The following SLC22A25 variants were observed in gnomAD, a reference collection of about 807,000 sequenced individuals.
SLC22A25 encodes the protein MGI:2442751, MGI:2385316, MGI:3042283, MGI:3645714, MGI:3605624, MGI:2442750.
In SLC22A25, 44 loss-of-function variants were observed where a neutral mutation model predicts 45.9. The observed-to-expected ratio is 0.96, with a 90% CI of 0.75 to 1.23. The LOEUF (loss-of-function observed/expected upper bound fraction) is 1.23. Among genes scored for constraint, SLC22A25 ranks in the 50% most tolerant of loss-of-function variants. The pLI is 0.00. For synonymous variants in SLC22A25, 283 were observed against 238.6 expected (o/e 1.19, Z -1.72); for missense variants, 800 against 666.4 (o/e 1.20, Z -2.21).
chr11:63,220,501 G>A (rs1411722678), intron 5 of SLC22A25, among the ~76,000 whole-genome samples: 1 of 152,102 alleles, frequency 6.6e-6, no homozygotes, highest in Non-Finnish European at 1.5e-5. Flanking sequence ...GTACATAGTA[G>A]GTGTGTATAC....
intron 9 of SLC22A25, among the ~76,000 whole-genome samples, chr11:63,180,237 T>A (rs1460821688): frequency 6.6e-6 from 1 of 152,198 alleles, no homozygotes; most frequent in Admixed American, 6.6e-5. Context: ...GAACTTGTGA[T>A]CATTTCCCAG....
chr11:63,217,382 G>T lies in SLC22A25; in HGVS notation c.762C>A (p.Val254=), dbSNP rs1461583493. 6.2e-7 allele frequency: 1 copy of T among 1,614,018 alleles called. No homozygotes were observed. Residue 254 remains valine, a synonymous_variant, in exon 7 of 12, where the codon GTC becomes GTA. Transcript: ENST00000306494. ...GHITLGSLAF[V]IRDQCILQLV... is the part of the protein sequence containing the mutation. ...ACTGGAGGATGCACTGGTCTCGAAT[G>T]ACAAAAGCCAGGCTTCCCAGGGTTA...
At chr11:63,189,793 T>C (rs1565085180) in intron 7 of SLC22A25, among the ~76,000 whole-genome samples, 1 of 152,216 alleles carries the variant, frequency 6.6e-6, no homozygotes, top group Non-Finnish European at 1.5e-5. Context: ...TTATTTCTCC[T>C]TCACTTATGA....
rs1464149671 is a variant in SLC22A25, at chr11:63,166,268, A to G, written c.1071-10T>C. On this transcript the variant is annotated splice_polypyrimidine_tract_variant and intron_variant, in intron 9 of 11. Transcript: ENST00000306494. ...GATGGTACTTGCAAATCTGCAGGGA[A>G]CACAGAAAAAGGCACATATTATAAT... 2 of 1,613,448 alleles carry G rather than the reference A, an allele frequency of 1.2e-6. No homozygotes were observed. Among genetic ancestry groups the G allele is most frequent in the African/African-American group, 1.3e-5 (1 of 74,930 alleles).
chr11:63,186,113 T>G (rs1311021083), intron 7 of SLC22A25, among the ~76,000 whole-genome samples: 155 of 147,052 alleles, frequency 1.1e-3, no homozygotes, highest in African/African-American at 3.7e-3. Context: ...CCTGAGGAAT[T>G]GCCACACTGA....
chr11:63,164,352 C>T (rs17157906), intron 11 of SLC22A25, among the ~76,000 whole-genome samples, 174 bp downstream of exon 11: 2,677 of 152,282 alleles, frequency 0.018, 67 homozygotes, highest in African/African-American at 0.049. Flanking sequence ...CTTAATGCAG[C>T]GTCTGGAACA....
chr11:63,217,222 A>G, intron 7 of SLC22A25, 92 bp downstream of exon 7: 1 of 1,423,610 alleles, frequency 7.0e-7, no homozygotes, highest in Non-Finnish European at 9.5e-7. Context: ...ACTCAAGGCT[A>G]GATAGAGGAT....
rs114227568 is a variant in SLC22A25, at chr11:63,210,323, T to C, written c.830+6991A>G. On this transcript the variant is annotated intron_variant, in intron 7 of 11. Coordinates refer to ENST00000306494, the MANE Select transcript of SLC22A25 (RefSeq NM_199352.6). ...CAGAAATAGAAACAAAGAGACAGCTTGATTTATAGCTGCTGCACTAGCAGA... is the reference window on the plus strand; with the variant it reads ...CAGAAATAGAAACAAAGAGACAGCTCGATTTATAGCTGCTGCACTAGCAGA... Among the ~76,000 whole-genome samples, 680 of 152,178 alleles carry C rather than the reference T, an allele frequency of 4.5e-3. 8 individuals are homozygous for C. The highest frequency in any genetic ancestry group is 0.016 in the African/African-American group (645 of 41,520).
chr11:63,181,445 T>C (rs2088318633), intron 8 of SLC22A25, among the ~76,000 whole-genome samples: 1 of 139,448 alleles, frequency 7.2e-6, no homozygotes, highest in Non-Finnish European at 1.5e-5. Flanking sequence ...CCTGTGTCCA[T>C]GTGTTCTCAT....
chr11:63,183,100 A>T (rs1314880450), intron 8 of SLC22A25, among the ~76,000 whole-genome samples: 1 of 152,092 alleles, frequency 6.6e-6, no homozygotes, highest in Non-Finnish European at 1.5e-5. Flanking sequence ...GGAAAAAAAG[A>T]TAAAGACTTC....
intron 9 of SLC22A25, among the ~76,000 whole-genome samples, chr11:63,172,627 T>A (rs1301754157): frequency 6.7e-6 from 1 of 149,006 alleles, no homozygotes. Context: ...TAGGTGTGGG[T>A]GTTTTCAGTG....
chr11:63,166,416 T>C (rs1003283207), intron 9 of SLC22A25, 158 bp from the exon 10 acceptor site: 10 of 1,439,940 alleles, frequency 6.9e-6, no homozygotes, highest in Middle Eastern at 4.9e-4. Context: ...TTTAAAGTTA[T>C]CATAAAATAA....
intron 7 of SLC22A25, among the ~76,000 whole-genome samples, chr11:63,207,804 A>C (rs1207667833): frequency 6.6e-6 from 1 of 152,186 alleles, no homozygotes; most frequent in Non-Finnish European, 1.5e-5. Context: ...TCAAGTCGTA[A>C]AACATGTTTG....
In SLC22A25 at chr11:63,160,924, G is replaced by C. The variant is rs556304250; in HGVS notation, c.*2900C>G. ...TTTAGTAAAACTGCTATGGAGAACA[G>C]TTTGGAGGTTCCTCAAAAAAATTAA... On this transcript the variant is annotated 3_prime_UTR_variant, in exon 12 of 12. Coordinates refer to ENST00000306494, the MANE Select transcript of SLC22A25 (RefSeq NM_199352.6). Among the ~76,000 whole-genome samples, 12 of 152,322 alleles carry C rather than the reference G, an allele frequency of 7.9e-5. No individual in the cohort carries two copies. The South Asian group carries it at 2.3e-3, about 29-fold the overall frequency.
chr11:63,225,608 T>G (rs78577430), intron 5 of SLC22A25, among the ~76,000 whole-genome samples: 1 of 152,168 alleles, frequency 6.6e-6, no homozygotes, highest in African/African-American at 2.4e-5. Flanking sequence ...CTTGAGGTAG[T>G]CTTCTTTGGG....
At chr11:63,181,694 T>G (rs2088330392) in intron 8 of SLC22A25, among the ~76,000 whole-genome samples, 1 of 152,024 alleles carries the variant, frequency 6.6e-6, no homozygotes, top group Non-Finnish European at 1.5e-5. Flanking sequence ...AGAACACGTT[T>G]AGAAAGAGAT....
intron 8 of SLC22A25, among the ~76,000 whole-genome samples, chr11:63,181,462 A>G (rs2088319238): frequency 7.3e-6 from 1 of 136,728 alleles, no homozygotes; most frequent in Admixed American, 8.8e-5. Flanking sequence ...TCATTGTTCA[A>G]TTCCCACCTA....
At chr11:63,174,662 A>G (rs1320246484) in intron 9 of SLC22A25, among the ~76,000 whole-genome samples, 1 of 152,148 alleles carries the variant, frequency 6.6e-6, no homozygotes, top group Non-Finnish European at 1.5e-5. Context: ...CTGTGGTAAA[A>G]ATGCATAACA....
chr11:63,182,039 C>T (rs114428880), intron 8 of SLC22A25, among the ~76,000 whole-genome samples: 10 of 152,148 alleles, frequency 6.6e-5, no homozygotes, highest in African/African-American at 2.4e-4. Context: ...TTGCTTTAGG[C>T]TAGAAGGGCT....
Sources: allele counts gnomAD v4.1 joint callset (sites outside exome capture counted in the v4.1 genomes callset), GRCh38; gene constraint gnomAD v4.1.1; transcripts MANE v1.5; gene names NCBI Gene and HGNC (gene_info 2026-07-23, HGNC 2026-07-21).